SYT1: variants seen among roughly 807,000 people sequenced by gnomAD.
The protein encoded by SYT1 is synaptotagmin-1.
Under a neutral mutation model 44.8 loss-of-function variants are expected in SYT1, and 8 were observed. The ratio of observed to expected loss-of-function variants is 0.18; its 90% CI spans 0.10 to 0.32. SYT1 has a LOEUF of 0.32. SYT1 is among the 10% of genes least tolerant of loss of function. SYT1 has a pLI of 1.00. For missense variants in SYT1, 286 were observed against 509.3 expected, an observed-to-expected ratio of 0.56 and a Z score of 4.22; for synonymous variants, 154 against 188.8, an observed-to-expected ratio of 0.82 and a Z score of 1.51.
intron 3 of SYT1, among the ~76,000 whole-genome samples, chr12:79,166,180 A>G (rs1871212810): frequency 6.6e-6 from 1 of 152,038 alleles, no homozygotes; most frequent in East Asian, 1.9e-4. Context: ...GCTTTTGCAA[A>G]TCACTGTTTT....
At chr12:78,886,027 G>C (rs1216526011) in intron 1 of SYT1, among the ~76,000 whole-genome samples, 1 of 151,792 alleles carries the variant, frequency 6.6e-6, no homozygotes, top group Non-Finnish European at 1.5e-5. Context: ...AAGAAATGGA[G>C]TTTAACTTCC....
At chr12:79,008,026 A>G (rs1871201375) in intron 2 of SYT1, among the ~76,000 whole-genome samples, 2 of 152,134 alleles carry the variant, frequency 1.3e-5, no homozygotes, top group Non-Finnish European at 2.9e-5. Flanking sequence ...AATAAAAAAA[A>G]GAAAATAACC....
At chr12:79,206,210 T>C (rs943233598) in intron 3 of SYT1, among the ~76,000 whole-genome samples, 3 of 152,264 alleles carry the variant, frequency 2.0e-5, no homozygotes, top group African/African-American at 7.2e-5. Context: ...TTCTCAATAC[T>C]CAGATTTGAT....
At chr12:79,348,669 C>T (rs924135731) in intron 8 of SYT1, among the ~76,000 whole-genome samples, 1 of 152,048 alleles carries the variant, frequency 6.6e-6, no homozygotes, top group African/African-American at 2.4e-5. Context: ...TTTAATCAGA[C>T]TACTTCAGAA....
At chr12:79,126,353 C>T (rs1485079121) in intron 3 of SYT1, among the ~76,000 whole-genome samples, 1 of 152,176 alleles carries the variant, frequency 6.6e-6, no homozygotes, top group African/African-American at 2.4e-5. Flanking sequence ...CTCTGCCTCC[C>T]GGGTTCAAAC....
intron 9 of SYT1, among the ~76,000 whole-genome samples, chr12:79,423,254 G>A (rs577347684): frequency 7.6e-4 from 115 of 152,252 alleles, no homozygotes; most frequent in African/African-American, 2.6e-3. Context: ...TTAGGTTACA[G>A]TCTTTTCCTT....
At chr12:79,176,663 T>C (rs1464135976) in intron 3 of SYT1, among the ~76,000 whole-genome samples, 2 of 152,034 alleles carry the variant, frequency 1.3e-5, no homozygotes, top group Non-Finnish European at 2.9e-5. Flanking sequence ...GTTTTAGACT[T>C]ACAAAAAAAG....
intron 3 of SYT1, among the ~76,000 whole-genome samples, chr12:79,199,032 AG>A (rs1873626572): frequency 6.6e-6 from 1 of 152,208 alleles, no homozygotes; most frequent in Admixed American, 6.5e-5. Flanking sequence ...ATTGATTTTC[AG>A]ACTTCCTTCA....
At chr12:79,419,825 T>C (rs1325760725) in intron 9 of SYT1, among the ~76,000 whole-genome samples, 1 of 152,166 alleles carries the variant, frequency 6.6e-6, no homozygotes, top group African/African-American at 2.4e-5. Context: ...TCTCATTTTG[T>C]TTGTCATTCC....
intron 9 of SYT1, among the ~76,000 whole-genome samples, chr12:79,357,737 T>C (rs910133784): frequency 6.6e-6 from 1 of 152,204 alleles, no homozygotes; most frequent in Non-Finnish European, 1.5e-5. Context: ...CTGTAGAACA[T>C]GTGTAGGACT....
chr12:79,111,256 G>T (rs1878993765), intron 3 of SYT1, among the ~76,000 whole-genome samples: 1 of 151,966 alleles, frequency 6.6e-6, no homozygotes, highest in African/African-American at 2.4e-5. Context: ...GAATTAAAAA[G>T]GAGCATTTTA....
At chr12:79,037,321 G>C (rs1231313089) in intron 2 of SYT1, among the ~76,000 whole-genome samples, 1 of 150,878 alleles carries the variant, frequency 6.6e-6, no homozygotes, top group Non-Finnish European at 1.5e-5. Context: ...TCCTGACTTA[G>C]TGCCATCCTG....
intron 2 of SYT1, among the ~76,000 whole-genome samples, 194 bp from the exon 3 acceptor site, chr12:79,047,103 A>T (rs1874126912): frequency 6.6e-6 from 1 of 151,830 alleles, no homozygotes; most frequent in Non-Finnish European, 1.5e-5. Flanking sequence ...TCTCTAGCTC[A>T]TCAAACAACT....
chr12:79,270,390 G>A (rs1315170280), intron 4 of SYT1, among the ~76,000 whole-genome samples: 1 of 152,140 alleles, frequency 6.6e-6, no homozygotes, highest in Non-Finnish European at 1.5e-5. Flanking sequence ...ATATGTTGAA[G>A]GTAGAAAATG....
chr12:79,346,154 A>G (rs1236273516), intron 8 of SYT1, among the ~76,000 whole-genome samples: 2 of 152,218 alleles, frequency 1.3e-5, no homozygotes, highest in South Asian at 4.1e-4. Flanking sequence ...AAAACGATGT[A>G]TGGGGCTACA....
rs546243253 is a variant in SYT1 at position 79,379,370 on chromosome 12, C to A, written c.928+25751C>A. 9.9e-5 allele frequency among the ~76,000 whole-genome samples: 15 copies of A among 152,192 alleles called. No individual in the cohort carries two copies. The East Asian group carries it at 2.7e-3, about 27-fold the overall frequency. On this transcript the variant is annotated intron_variant, in intron 9 of 10. Transcript: ENST00000261205. ...TGATTCAAGGAATGAAGAAAATTGG[C>A]CTTTTTGAAGGTTACCAAAATGTAC...
At chr12:79,036,038 A>C (rs929731702) in intron 2 of SYT1, among the ~76,000 whole-genome samples, 1 of 151,522 alleles carries the variant, frequency 6.6e-6, no homozygotes, top group Non-Finnish European at 1.5e-5. Context: ...GGCAGCTGCC[A>C]ATCAACATTC....
At chr12:78,902,995 A>G (rs749512162) in intron 1 of SYT1, among the ~76,000 whole-genome samples, 12 of 152,170 alleles carry the variant, frequency 7.9e-5, no homozygotes, top group Non-Finnish European at 1.5e-4. Context: ...AAGTTCTGAA[A>G]GAGGAATTAG....
At chr12:79,419,866 G>T (rs1463900705) in intron 9 of SYT1, among the ~76,000 whole-genome samples, 2 of 151,706 alleles carry the variant, frequency 1.3e-5, no homozygotes, top group Non-Finnish European at 2.9e-5. Context: ...ACACAGTTTT[G>T]GTTTTGTATG....
Sources: allele counts gnomAD v4.1 joint callset (sites outside exome capture counted in the v4.1 genomes callset), GRCh38; gene constraint gnomAD v4.1.1; transcripts MANE v1.5; gene names NCBI Gene and HGNC (gene_info 2026-07-23, HGNC 2026-07-21).